PPARGC1A: variants seen among roughly 807,000 people sequenced by gnomAD.
PPARGC1A encodes PPARG coactivator 1 alpha.
PPARGC1A carries 25 observed loss-of-function variants against 88.7 expected under a neutral mutation model. That is an observed-to-expected ratio of 0.28 (90% CI 0.21 to 0.39). PPARGC1A has a LOEUF of 0.39. Among genes scored for constraint, PPARGC1A ranks in the 10% least tolerant of loss-of-function variants. PPARGC1A has a pLI of 1.00. For synonymous variants in PPARGC1A, 363 were observed against 355.6 expected (o/e 1.02, Z -0.24); for missense variants, 880 against 968.7 (o/e 0.91, Z 1.22).
chr4:24,049,302 ATGTG>A, the PPARGC1A span, among the ~76,000 whole-genome samples: 1 of 46,014 alleles, frequency 2.2e-5, no homozygotes, highest in African/African-American at 4.7e-5. Flanking sequence ...GTATATATAT[ATGTG>A]TGTATATATA....
At chr4:23,833,021 A>C (rs1185559340) in intron 2 of PPARGC1A, among the ~76,000 whole-genome samples, 2 of 152,184 alleles carry the variant, frequency 1.3e-5, no homozygotes, top group Non-Finnish European at 2.9e-5. Flanking sequence ...TTCACTTAAC[A>C]AACATTTTTG....
intron 2 of PPARGC1A, among the ~76,000 whole-genome samples, chr4:23,855,395 G>C (rs574301415): frequency 1.3e-5 from 2 of 151,966 alleles, no homozygotes; most frequent in Non-Finnish European, 2.9e-5. Flanking sequence ...CAAATAGATG[G>C]TAAACTGGAA....
the PPARGC1A span, among the ~76,000 whole-genome samples, chr4:23,910,223 A>T: frequency 3.1e-5 from 2 of 64,730 alleles, no homozygotes; most frequent in Non-Finnish European, 8.4e-5. Context: ...ATAATATATA[A>T]TATATTATAT....
At chr4:23,829,713 T>C in intron 3 of PPARGC1A, 128 bp from the exon 4 acceptor site, 1 of 947,576 alleles carries the variant, frequency 1.1e-6, no homozygotes, top group Non-Finnish European at 1.4e-6. Context: ...ATTTTATTTA[T>C]GTCACACCTT....
chr4:24,228,886 C>CCAGTTATTG, the PPARGC1A span, among the ~76,000 whole-genome samples: 1 of 152,162 alleles, frequency 6.6e-6, no homozygotes, highest in Non-Finnish European at 1.5e-5. Context: ...TCTTCCTCCT[C>CCAGTTATTG]CAGTTATTGT....
chr4:24,002,126 A>AGAGAGAGAGAGAGAGAG, the PPARGC1A span, among the ~76,000 whole-genome samples: 1 of 148,160 alleles, frequency 6.7e-6, no homozygotes, highest in South Asian at 2.2e-4. Flanking sequence ...AGAGAGAGAG[A>AGAGAGAGAGAGAGAGAG]ACTTGAAGAC....
the PPARGC1A span, among the ~76,000 whole-genome samples, chr4:24,071,158 C>G: frequency 1.3e-5 from 2 of 152,162 alleles, no homozygotes; most frequent in African/African-American, 4.8e-5. Flanking sequence ...CCTATCGACT[C>G]TTGCCTCTAA....
At chr4:24,387,814 AAGAAAGAAAGAG>A in the PPARGC1A span, among the ~76,000 whole-genome samples, 2,298 of 107,628 alleles carry the variant, frequency 0.021, 47 homozygotes, top group Non-Finnish European at 0.033. Context: ...GAAAGAAAGA[AAGAAAGAAAGAG>A]AGAAAGAGAG....
At chr4:24,205,037 CT>C in the PPARGC1A span, among the ~76,000 whole-genome samples, 2 of 152,298 alleles carry the variant, frequency 1.3e-5, no homozygotes, top group Non-Finnish European at 2.9e-5. Flanking sequence ...GTTGGCCAGG[CT>C]GGTCTCCAAC....
chr4:24,253,248 A>G, the PPARGC1A span, among the ~76,000 whole-genome samples: 1 of 145,716 alleles, frequency 6.9e-6, no homozygotes, highest in Admixed American at 6.8e-5. Flanking sequence ...AAATTTAAGC[A>G]AAGTTCTTTT....
chr4:24,135,199 G>A, the PPARGC1A span, among the ~76,000 whole-genome samples: 1 of 151,896 alleles, frequency 6.6e-6, no homozygotes, highest in Non-Finnish European at 1.5e-5. Flanking sequence ...GTGCAATTTG[G>A]CACCACCAAT....
At chr4:23,848,430 G>A (rs1728686460) in intron 2 of PPARGC1A, among the ~76,000 whole-genome samples, 1 of 152,128 alleles carries the variant, frequency 6.6e-6, no homozygotes, top group Non-Finnish European at 1.5e-5. Context: ...CTCTTTGCCT[G>A]AGCTCCCATC....
At chr4:23,947,941 A>T in the PPARGC1A span, among the ~76,000 whole-genome samples, 1 of 152,060 alleles carries the variant, frequency 6.6e-6, no homozygotes, top group Non-Finnish European at 1.5e-5. Context: ...CCAAGTGGGG[A>T]CATGAAAGCC....
chr4:23,965,193 G>A, the PPARGC1A span, among the ~76,000 whole-genome samples: 2 of 152,302 alleles, frequency 1.3e-5, 1 homozygote, highest in South Asian at 4.1e-4. Context: ...TGGGATTAGA[G>A]AGGAGATTCC....
chr4:24,266,805 C>T, the PPARGC1A span, among the ~76,000 whole-genome samples: 1 of 152,122 alleles, frequency 6.6e-6, no homozygotes, highest in Admixed American at 6.6e-5. Context: ...CTTCCCATTC[C>T]TCACTACCAG....
the PPARGC1A span, among the ~76,000 whole-genome samples, chr4:24,198,757 A>G: frequency 6.6e-6 from 1 of 152,164 alleles, no homozygotes; most frequent in Non-Finnish European, 1.5e-5. Context: ...TATGAGAGAA[A>G]GCCAATAAAG....
chr4:24,460,000 T>C, the PPARGC1A span, among the ~76,000 whole-genome samples: 1 of 152,218 alleles, frequency 6.6e-6, no homozygotes, highest in Non-Finnish European at 1.5e-5. Flanking sequence ...TGACATATCA[T>C]AGGACATTCT....
chr4:24,036,854 T>G, the PPARGC1A span, among the ~76,000 whole-genome samples: 9 of 152,348 alleles, frequency 5.9e-5, no homozygotes, highest in Admixed American at 3.3e-4. Context: ...ACTTTACTTT[T>G]TGTACACAAA....
At chr4:24,239,919 C>G in the PPARGC1A span, among the ~76,000 whole-genome samples, 1 of 151,986 alleles carries the variant, frequency 6.6e-6, no homozygotes, top group Non-Finnish European at 1.5e-5. Flanking sequence ...CGCTTATTCT[C>G]TCTCTGACTC....
Sources: gnomAD v4.1 joint callset for allele counts (sites outside exome capture counted in the v4.1 genomes callset) on GRCh38, gnomAD v4.1.1 for gene constraint, MANE v1.5 for transcripts, NCBI Gene and HGNC (gene_info 2026-07-23, HGNC 2026-07-21) for gene names.